Variants in NID1 observed in about 807,000 individuals in gnomAD.
NID1 encodes the protein nidogen-1.
NID1 carries 76 observed loss-of-function variants against 130.6 expected under a neutral mutation model. That is an observed-to-expected ratio of 0.58 (90% CI 0.48 to 0.70). The LOEUF is 0.70. Among genes scored for constraint, NID1 ranks in the 30% least tolerant of loss-of-function variants. The probability of loss-of-function intolerance (pLI) is 0.00; values close to 1 mark genes in which losing one functional copy is unlikely to be tolerated. For synonymous variants in NID1, 665 were observed against 675.1 expected (o/e 0.98, Z 0.23); for missense variants, 1,517 against 1,664.8 (o/e 0.91, Z 1.54).
intron 1 of NID1, among the ~76,000 whole-genome samples, chr1:236,059,612 C>T (rs1286333585): frequency 5.3e-5 from 8 of 152,080 alleles, no homozygotes; most frequent in African/African-American, 1.4e-4. Flanking sequence ...TCCCCATTAA[C>T]CCCACAGAAG....
At chr1:236,058,408 T>C (rs145228397) in intron 1 of NID1, among the ~76,000 whole-genome samples, 1 of 152,128 alleles carries the variant, frequency 6.6e-6, no homozygotes. Context: ...GCAGAGCATG[T>C]CAATTAGATC....
In NID1 at chr1:235,981,516, G is replaced by T. The variant is rs1657436067; in HGVS notation, c.3227+95C>A. The T allele has an allele frequency of 2.2e-6, 3 of 1,348,530 alleles. No individual in the cohort carries two copies. In the African/African-American group the frequency reaches 4.4e-5, roughly 20 times the overall value. The allele number at this position is 1,348,530 out of a possible 1,614,324, so 83.5% of individuals were successfully genotyped here. ...TTCGTCCCGTACTCATTAATTTCAG[G>T]AGACCAATGCTGGAGTTAAAGCCTC... On this transcript the variant is annotated intron_variant, in intron 16 of 19. Coordinates refer to ENST00000264187, the MANE Select transcript of NID1 (RefSeq NM_002508.3).
At chr1:236,033,618 C>T (rs957529657) in intron 5 of NID1, among the ~76,000 whole-genome samples, 4 of 152,124 alleles carry the variant, frequency 2.6e-5, no homozygotes, top group East Asian at 1.9e-4. Flanking sequence ...CAACTGGGAA[C>T]GATGGAATTG....
At chr1:236,010,822 A>G (rs968832717) in intron 12 of NID1, among the ~76,000 whole-genome samples, 1 of 152,266 alleles carries the variant, frequency 6.6e-6, no homozygotes, top group Non-Finnish European at 1.5e-5. Context: ...ATATGCTACT[A>G]TACATCAAAA....
chr1:236,064,722 C>T, intron 1 of NID1, 133 bp downstream of exon 1: 3 of 730,258 alleles, frequency 4.1e-6, no homozygotes, highest in East Asian at 3.4e-5. Flanking sequence ...GGAGACCCTG[C>T]GCCGTGCCCG....
At chr1:236,014,438 A>G (rs1389773358) in intron 10 of NID1, among the ~76,000 whole-genome samples, 4 of 152,216 alleles carry the variant, frequency 2.6e-5, no homozygotes, top group South Asian at 2.1e-4. Flanking sequence ...GCAAAATGCA[A>G]TGGTGCCTTA....
At chr1:236,062,384 C>T (rs1006624811) in intron 1 of NID1, among the ~76,000 whole-genome samples, 1 of 152,144 alleles carries the variant, frequency 6.6e-6, no homozygotes, top group African/African-American at 2.4e-5. Flanking sequence ...CCTGTAATCC[C>T]AACACTTTGG....
In NID1 at chr1:235,990,989, G is replaced by C; in HGVS notation, c.2825C>G (p.Pro942Arg). 1 of 1,613,988 alleles carries C rather than the reference G, an allele frequency of 6.2e-7. No homozygotes were observed. Among genetic ancestry groups the C allele is most frequent in the Non-Finnish European group, 8.5e-7 (1 of 1,179,934 alleles). Residue 942 changes from proline to arginine, a missense_variant, in exon 14 of 20, where the codon CCT (proline) becomes CGT (arginine). Pro to Arg is a moderately radical substitution (Grantham distance 103, BLOSUM62 -2). This residue lies in a region of NID1 where 1,329 missense variants were observed against 1,429.2 expected (regional missense o/e 0.93). Coordinates refer to ENST00000264187, the MANE Select transcript of NID1 (RefSeq NM_002508.3). ...AVPTAVIPLP[P>R]GTHLLFAQTG... ...CTGGGCAAAGAGTAAATGGGTCCCA[G>C]GAGGCAAGGGGATCACGGCGGTAGG...
chr1:235,998,893 C>G (rs1365431183), intron 12 of NID1, among the ~76,000 whole-genome samples: 2 of 152,046 alleles, frequency 1.3e-5, no homozygotes, highest in South Asian at 4.1e-4. Context: ...CTCCTTCAGG[C>G]CACAGCACTG....
In NID1 at chr1:235,977,529, G is replaced by GGGA. The variant is rs771823443; in HGVS notation, c.*335_*337dup. 2.1e-4 allele frequency: 42 copies of GGGA among 200,962 alleles called. No individual in the cohort carries two copies. The highest frequency in any genetic ancestry group is 9.6e-4 in the Admixed American group (18 of 18,692). 12.4% of individuals were successfully genotyped at this position (200,962 alleles called of 1,614,324 possible). Reference sequence around the variant, plus strand: ...ACAGGGAAGGGTGCAACTCAAATTTGGGAGGTTCTGTTCACCACTGGGGGG... The same window carrying GGGA: ...ACAGGGAAGGGTGCAACTCAAATTTGGGAGGAGGTTCTGTTCACCACTGGGGGG... On this transcript the variant is annotated 3_prime_UTR_variant, in exon 20 of 20. Coordinates refer to ENST00000264187, the MANE Select transcript of NID1 (RefSeq NM_002508.3).
chr1:236,010,038 T>C (rs762023148), intron 12 of NID1, among the ~76,000 whole-genome samples: 1 of 152,128 alleles, frequency 6.6e-6, no homozygotes, highest in Non-Finnish European at 1.5e-5. Context: ...AAAAACAAAA[T>C]TGGAAACATC....
chr1:236,045,644 T>G lies in NID1; in HGVS notation c.565A>C (p.Ser189Arg), dbSNP rs1282487291. 1 of 1,614,152 alleles carries G rather than the reference T, an allele frequency of 6.2e-7. No homozygotes were observed. The highest frequency in any genetic ancestry group is 8.5e-7 in the Non-Finnish European group (1 of 1,180,026). ...GGATAAAGGAAAATGGCATAGGAGCTGGAATCAGAGGAGGCTAGAACAGCC... is the reference window on the plus strand; with the variant it reads ...GGATAAAGGAAAATGGCATAGGAGCGGGAATCAGAGGAGGCTAGAACAGCC... ...FQAVLASSDS[S>R]SYAIFLYPED... Residue 189 changes from serine to arginine, a missense_variant, in exon 3 of 20, where the codon AGC (serine) becomes CGC (arginine). Coordinates refer to ENST00000264187, the MANE Select transcript of NID1 (RefSeq NM_002508.3).
chr1:236,029,438 T>TCA, intron 7 of NID1, 112 bp downstream of exon 7: 8 of 1,019,002 alleles, frequency 7.9e-6, no homozygotes, highest in Admixed American at 6.4e-5. Context: ...GCCCGGTGTA[T>TCA]TTCCCTCTCC....
At chr1:236,006,735 G>C (rs982987985) in intron 12 of NID1, among the ~76,000 whole-genome samples, 1 of 152,184 alleles carries the variant, frequency 6.6e-6, no homozygotes, top group Non-Finnish European at 1.5e-5. Flanking sequence ...GGCTATGATT[G>C]GGGCAGGTGG....
intron 12 of NID1, among the ~76,000 whole-genome samples, chr1:236,005,833 G>A (rs537685830): frequency 1.6e-4 from 24 of 152,242 alleles, no homozygotes; most frequent in Middle Eastern, 6.8e-3. Context: ...CTTTCTAATA[G>A]TAATAATATC....
intron 5 of NID1, 64 bp downstream of exon 5, chr1:236,038,040 G>A (rs965117268): frequency 2.3e-5 from 35 of 1,533,200 alleles, no homozygotes; most frequent in Non-Finnish European, 3.0e-5. Context: ...TGGAAAACGA[G>A]CACCAAAACA....
intron 1 of NID1, among the ~76,000 whole-genome samples, chr1:236,061,745 G>GAT (rs1031452517): frequency 3.3e-5 from 5 of 151,344 alleles, no homozygotes; most frequent in African/African-American, 1.2e-4. Context: ...AAAAAAACAC[G>GAT]ATTTTTTTTT....
rs1207388870 is a variant in NID1 at position 236,032,991 on chromosome 1, G to A, written c.1286-339C>T. On this transcript the variant is annotated intron_variant, in intron 5 of 19. Transcript: ENST00000264187. ...ATCAGGGGTGACCTAGAACTAAGGC[G>A]ACCATAGAATTTATCACATTTGAGA... 3.3e-5 allele frequency among the ~76,000 whole-genome samples: 5 copies of A among 152,290 alleles called. No individual in the cohort carries two copies. In the South Asian group the frequency reaches 8.3e-4, roughly 25 times the overall value.
intron 12 of NID1, among the ~76,000 whole-genome samples, chr1:235,999,041 C>G (rs933115468): frequency 1.3e-5 from 2 of 152,156 alleles, no homozygotes; most frequent in Non-Finnish European, 2.9e-5. Context: ...AGTGCTTAGA[C>G]GGCTCCCTCA....
Sources: allele counts gnomAD v4.1 joint callset (sites outside exome capture counted in the v4.1 genomes callset), GRCh38; gene constraint gnomAD v4.1.1; regional missense constraint gnomAD v4.1.1; transcripts MANE v1.5; gene names NCBI Gene and HGNC (gene_info 2026-07-23, HGNC 2026-07-21).